The following MOB3B variants were observed in gnomAD, a reference collection of about 807,000 sequenced individuals.
The protein encoded by MOB3B is MOB kinase activator 3B.
MOB3B carries 7 observed loss-of-function variants against 18.7 expected under a neutral mutation model. The observed-to-expected ratio is 0.37, with a 90% confidence interval of 0.21 to 0.70. The LOEUF is 0.70. MOB3B is among the 30% of genes least tolerant of loss of function. The pLI is 0.52. For missense variants in MOB3B, 253 were observed against 281.3 expected, an observed-to-expected ratio of 0.90 and a Z score of 0.72; for synonymous variants, 111 against 99.9, an observed-to-expected ratio of 1.11 and a Z score of -0.66.
At chr9:27,449,133 C>A (rs1378153670) in intron 2 of MOB3B, among the ~76,000 whole-genome samples, 1 of 152,082 alleles carries the variant, frequency 6.6e-6, no homozygotes, top group Non-Finnish European at 1.5e-5. Context: ...AAGCCAGGAG[C>A]CTAAAGAAAT....
chr9:27,470,654 C>A (rs1360519502), intron 1 of MOB3B, among the ~76,000 whole-genome samples: 2 of 152,152 alleles, frequency 1.3e-5, no homozygotes, highest in East Asian at 1.9e-4. Context: ...AATCAGGGCC[C>A]ACCCACCCAT....
At chr9:27,375,370 G>A (rs1821475816) in intron 2 of MOB3B, among the ~76,000 whole-genome samples, 1 of 152,184 alleles carries the variant, frequency 6.6e-6, no homozygotes, top group Non-Finnish European at 1.5e-5. Context: ...GACTTCTGGG[G>A]ATGATGAAGG....
intron 2 of MOB3B, among the ~76,000 whole-genome samples, chr9:27,432,270 T>TC (rs149862258): frequency 2.0e-5 from 3 of 151,808 alleles, no homozygotes; most frequent in African/African-American, 4.8e-5. Flanking sequence ...CTTTTTTTTT[T>TC]CTCTATGTGC....
rs990859457 is a variant in MOB3B, at chr9:27,428,100, G to A, written c.418+27033C>T. Among the ~76,000 whole-genome samples, 9 of 152,240 alleles carry A rather than the reference G, an allele frequency of 5.9e-5. No individual in the cohort carries two copies. The East Asian group carries it at 1.7e-3, about 29-fold the overall frequency. ...AGCAGCCACTGCAAGCTGAATGTTTGGTCTACATGTTTATTACAGGCTATC... is the reference window on the plus strand; with the variant it reads ...AGCAGCCACTGCAAGCTGAATGTTTAGTCTACATGTTTATTACAGGCTATC... On this transcript the variant is annotated intron_variant, in intron 2 of 3. Transcript: ENST00000262244.
intron 1 of MOB3B, among the ~76,000 whole-genome samples, chr9:27,507,159 C>T (rs369027390): frequency 3.9e-5 from 6 of 152,152 alleles, no homozygotes; most frequent in South Asian, 4.2e-4. Flanking sequence ...TGTTATGATT[C>T]CTCTTTTGCT....
intron 1 of MOB3B, among the ~76,000 whole-genome samples, chr9:27,512,528 T>C (rs1427674086): frequency 1.3e-5 from 2 of 152,302 alleles, no homozygotes; most frequent in South Asian, 4.2e-4. Flanking sequence ...AACCTTAAAG[T>C]ATAGAAAATT....
chr9:27,352,991 C>G (rs1304532831), intron 3 of MOB3B, among the ~76,000 whole-genome samples: 1 of 152,190 alleles, frequency 6.6e-6, no homozygotes, highest in Non-Finnish European at 1.5e-5. Context: ...CTGACCATCA[C>G]TCAGGACTGG....
At position 27,455,298 on chromosome 9, in the gene MOB3B, G is replaced by T. The variant is rs752536593; in HGVS notation, c.253C>A (p.Arg85=). 6.2e-7 allele frequency: 1 copy of T among 1,614,056 alleles called. No individual in the cohort carries two copies. The change falls in exon 2 of 4, where the codon CGG becomes AGG. Residue 85 remains arginine (R), a synonymous_variant. Transcript: ENST00000262244. The part of the protein sequence containing the change: ...YGTICEFCTE[R]TCPVMSGGPK... ...CCCCCTGACATCACAGGACAGGTCC[G>T]CTCGGTGCAGAACTCACAGATGGTG...
At chr9:27,500,282 T>C (rs1166349747) in intron 1 of MOB3B, among the ~76,000 whole-genome samples, 2 of 152,102 alleles carry the variant, frequency 1.3e-5, no homozygotes, top group East Asian at 1.9e-4. Flanking sequence ...AAATGCAAAA[T>C]TCCTTCGTAA....
At chr9:27,393,371 A>G (rs1359046523) in intron 2 of MOB3B, among the ~76,000 whole-genome samples, 1 of 144,130 alleles carries the variant, frequency 6.9e-6, no homozygotes, top group Non-Finnish European at 1.5e-5. Context: ...GGGTGCAGAG[A>G]AGTGTGTGTG....
chr9:27,502,269 T>G (rs564813003), intron 1 of MOB3B, among the ~76,000 whole-genome samples: 1 of 152,224 alleles, frequency 6.6e-6, no homozygotes, highest in Non-Finnish European at 1.5e-5. Flanking sequence ...CTGGAGTCAT[T>G]GATCTAGGTC....
chr9:27,517,158 A>C (rs1358023602), intron 1 of MOB3B, among the ~76,000 whole-genome samples: 1 of 151,514 alleles, frequency 6.6e-6, no homozygotes, highest in Non-Finnish European at 1.5e-5. Flanking sequence ...CCTAATTCAA[A>C]CTCTCATCAA....
intron 2 of MOB3B, among the ~76,000 whole-genome samples, chr9:27,402,871 A>G (rs769724070): frequency 6.6e-6 from 1 of 152,226 alleles, no homozygotes; most frequent in Non-Finnish European, 1.5e-5. Context: ...TTGTCTGCTC[A>G]GAGACAGCCA....
rs530340417 is a variant in MOB3B at position 27,356,110 on chromosome 9, C to T, written c.621+2924G>A. Reference sequence around the variant, plus strand: ...TTCGCCTCAGAAACATTCTTAATATCTATTTCTGTTCCTTTATAGGGTTTG... The same window carrying T: ...TTCGCCTCAGAAACATTCTTAATATTTATTTCTGTTCCTTTATAGGGTTTG... On this transcript the variant is annotated intron_variant, in intron 3 of 3. Transcript: ENST00000262244. Among the ~76,000 whole-genome samples the T allele has an allele frequency of 2.0e-5, 3 of 152,256 alleles. No individual in the cohort carries two copies. In the South Asian group the frequency reaches 6.2e-4, roughly 32 times the overall value.
chr9:27,395,416 T>A (rs1821784421), intron 2 of MOB3B, among the ~76,000 whole-genome samples: 1 of 152,058 alleles, frequency 6.6e-6, no homozygotes, highest in African/African-American at 2.4e-5. Flanking sequence ...TAAATACATA[T>A]AATTTTTATT....
chr9:27,517,960 C>G (rs1820264480), intron 1 of MOB3B, among the ~76,000 whole-genome samples: 1 of 152,114 alleles, frequency 6.6e-6, no homozygotes, highest in Non-Finnish European at 1.5e-5. Flanking sequence ...AAAGAGACCC[C>G]TCCCCACTTA....
chr9:27,332,644 T>C (rs143497216), intron 3 of MOB3B, among the ~76,000 whole-genome samples: 2 of 152,344 alleles, frequency 1.3e-5, no homozygotes, highest in Non-Finnish European at 2.9e-5. Context: ...AGGTACAGAA[T>C]GCTCAACAGT....
chr9:27,363,719 G>A (rs975742203), intron 2 of MOB3B, among the ~76,000 whole-genome samples: 1 of 152,044 alleles, frequency 6.6e-6, no homozygotes, highest in Non-Finnish European at 1.5e-5. Flanking sequence ...GGGAAGGTGA[G>A]GGACAAGAAT....
chr9:27,521,528 TC>T (rs1820325167), intron 1 of MOB3B, among the ~76,000 whole-genome samples: 1 of 152,174 alleles, frequency 6.6e-6, no homozygotes, highest in Non-Finnish European at 1.5e-5. Context: ...TATACAATTA[TC>T]TGTTTTTTAA....
Sources: gnomAD v4.1 joint callset for allele counts (sites outside exome capture counted in the v4.1 genomes callset) on GRCh38, gnomAD v4.1.1 for gene constraint, MANE v1.5 for transcripts, NCBI Gene and HGNC (gene_info 2026-07-23, HGNC 2026-07-21) for gene names.